The following GSTCD variants were observed in gnomAD, a reference collection of about 807,000 sequenced individuals.
GSTCD encodes glutathione S-transferase C-terminal domain containing, also known as glutathione S-transferase C-terminal domain-containing protein.
A neutral mutation model predicts 68.3 loss-of-function variants in GSTCD; 44 were observed. That is an observed-to-expected ratio of 0.64 (90% CI 0.51 to 0.83). GSTCD has a LOEUF of 0.83. Ranked by LOEUF, GSTCD falls within the 40% of genes least tolerant of loss-of-function variation. GSTCD has a pLI of 0.00. For synonymous variants in GSTCD, 273 were observed against 255.2 expected, an observed-to-expected ratio of 1.07 and a Z score of -0.67; for missense variants, 739 against 735.9, an observed-to-expected ratio of 1.00 and a Z score of -0.05.
intron 5 of GSTCD, among the ~76,000 whole-genome samples, chr4:105,736,682 G>T (rs1733474168): frequency 2.6e-5 from 4 of 152,062 alleles, no homozygotes; most frequent in Admixed American, 2.6e-4. Context: ...TAGAACCCAG[G>T]AACATATTTT....
intron 11 of GSTCD, among the ~76,000 whole-genome samples, chr4:105,842,898 GT>G (rs1029822006): frequency 2.6e-5 from 4 of 152,134 alleles, no homozygotes; most frequent in African/African-American, 7.2e-5. Context: ...TGGACATGAA[GT>G]TCTTGTCCAC....
rs532576252 is a variant in GSTCD, at chr4:105,738,746, G to T, written c.1240+9247G>T. Among the ~76,000 whole-genome samples, 5 of 152,210 alleles carry T rather than the reference G, an allele frequency of 3.3e-5. No homozygotes were observed. The East Asian group carries it at 9.6e-4, about 29-fold the overall frequency. ...AAGAGTTTCTTGATAGAGCTCTTTG[G>T]TAGGTTTTTCTATATGTAAGATTGT... On this transcript the variant is annotated intron_variant, in intron 5 of 11. Coordinates refer to ENST00000515279, the MANE Select transcript of GSTCD (RefSeq NM_001370181.1).
At chr4:105,841,855 A>G (rs551413523) in intron 10 of GSTCD, among the ~76,000 whole-genome samples, 14 of 152,256 alleles carry the variant, frequency 9.2e-5, no homozygotes, top group Admixed American at 3.3e-4. Context: ...TCAAAACAAA[A>G]CAAAAAAATA....
At chr4:105,718,181 C>T in intron 2 of GSTCD, 142 bp downstream of exon 2, 1 of 666,246 alleles carries the variant, frequency 1.5e-6, no homozygotes, top group Non-Finnish European at 2.4e-6. Context: ...ATAAAGTAGC[C>T]CTTTGATATA....
At chr4:105,759,613 A>C (rs566003060) in intron 5 of GSTCD, among the ~76,000 whole-genome samples, 2 of 152,330 alleles carry the variant, frequency 1.3e-5, no homozygotes, top group Non-Finnish European at 2.9e-5. Context: ...CAGAGATTTA[A>C]TGAATACTGA....
intron 5 of GSTCD, among the ~76,000 whole-genome samples, chr4:105,730,515 G>A: frequency 6.6e-6 from 1 of 152,150 alleles, no homozygotes; most frequent in Non-Finnish European, 1.5e-5. Flanking sequence ...ATTTTTTCAT[G>A]TGTCTTTGGC....
chr4:105,825,679 T>C lies in GSTCD; in HGVS notation c.1409T>C (p.Leu470Ser). ...AHMLPSCQVT[L>S]IENKELSLIR... is the part of the protein sequence containing the mutation. The stretch of plus-strand genomic sequence containing the variant: ...TTTCTGGGTAAAATCTAGGTTACAT[T>C]AATAGAAAACAAGGAATTATCATTA... Residue 470 changes from leucine to serine, a missense_variant, in exon 8 of 12, where the codon TTA becomes TCA. Coordinates refer to ENST00000515279, the MANE Select transcript of GSTCD (RefSeq NM_001370181.1). 3 of 1,487,526 alleles carry C rather than the reference T, an allele frequency of 2.0e-6. No homozygotes were observed. Among genetic ancestry groups the C allele is most frequent in the Non-Finnish European group, 2.8e-6 (3 of 1,068,538 alleles). 92.1% of individuals were successfully genotyped at this position (1,487,526 alleles called of 1,614,324 possible).
At chr4:105,747,778 A>G (rs1027439545) in intron 5 of GSTCD, among the ~76,000 whole-genome samples, 1 of 152,036 alleles carries the variant, frequency 6.6e-6, no homozygotes, top group Non-Finnish European at 1.5e-5. Context: ...TTTGTAAAAT[A>G]CTCATCTTGG....
intron 3 of GSTCD, among the ~76,000 whole-genome samples, chr4:105,725,616 T>G (rs1271264995): frequency 6.6e-6 from 1 of 152,164 alleles, no homozygotes; most frequent in Non-Finnish European, 1.5e-5. Flanking sequence ...AGTTGCCATC[T>G]GTGTATCTTT....
rs572282133 is a variant in GSTCD, at chr4:105,773,911, G to A, written c.1240+44412G>A. On this transcript the variant is annotated intron_variant, in intron 5 of 11. Coordinates refer to ENST00000515279, the MANE Select transcript of GSTCD (RefSeq NM_001370181.1). ...CTGAGTTCAAATTTTGAATATCCTT[G>A]TTAATTTTCTGTCTCATTGGTCTGG... 5.9e-5 allele frequency among the ~76,000 whole-genome samples: 9 copies of A among 152,258 alleles called. No individual in the cohort carries two copies. The East Asian group carries it at 1.5e-3, about 26-fold the overall frequency.
intron 5 of GSTCD, among the ~76,000 whole-genome samples, chr4:105,791,226 T>A (rs965259930): frequency 5.9e-5 from 9 of 151,882 alleles, no homozygotes; most frequent in East Asian, 1.9e-4. Flanking sequence ...ACCCCGTCTC[T>A]ACTAAAAATA....
chr4:105,735,960 T>A (rs1439357496), intron 5 of GSTCD, among the ~76,000 whole-genome samples: 1 of 152,188 alleles, frequency 6.6e-6, no homozygotes, highest in African/African-American at 2.4e-5. Context: ...ACTTTAATGA[T>A]CTTCTAATGC....
chr4:105,711,248 C>T (rs1210978211), intron 1 of GSTCD, among the ~76,000 whole-genome samples: 2 of 149,834 alleles, frequency 1.3e-5, no homozygotes, highest in South Asian at 4.1e-4. Flanking sequence ...AAATTTTAAT[C>T]TTTAAGAAAA....
chr4:105,802,330 T>C (rs1351775831), intron 5 of GSTCD, among the ~76,000 whole-genome samples: 1 of 152,102 alleles, frequency 6.6e-6, no homozygotes, highest in African/African-American at 2.4e-5. Flanking sequence ...TGTAGAGTGA[T>C]CTGAGGCCAG....
At chr4:105,826,208 T>C (rs1723598221) in intron 8 of GSTCD, 1 of 152,232 alleles carries the variant, frequency 6.6e-6, no homozygotes, top group African/African-American at 2.4e-5. Flanking sequence ...AGCATTGCCT[T>C]GTGATTTTTT....
intron 2 of GSTCD, among the ~76,000 whole-genome samples, chr4:105,718,427 C>T (rs1178305491): frequency 6.6e-6 from 1 of 152,184 alleles, no homozygotes; most frequent in Non-Finnish European, 1.5e-5. Context: ...CCCCATGTGA[C>T]ATGCCTGCAC....
In GSTCD at chr4:105,719,146, T is replaced by C. The variant is rs771388379; in HGVS notation, c.513T>C (p.Thr171=). 2 of 1,614,114 alleles carry C rather than the reference T, an allele frequency of 1.2e-6. No homozygotes were observed. The highest frequency in any genetic ancestry group is 2.2e-5 in the East Asian group (1 of 44,886). The part of the protein sequence containing the change: ...FLRESSDQPP[T]IPVEILQLEK... ...GAGAATCTTCTGACCAGCCCCCAAC[T>C]ATACCTGTAGAAATACTACAGCTAG... Residue 171 remains threonine (T), a synonymous_variant, in exon 3 of 12, where the codon ACT becomes ACC. Transcript: ENST00000515279.
At chr4:105,826,643 T>C (rs1560850022) in intron 8 of GSTCD, among the ~76,000 whole-genome samples, 1 of 152,146 alleles carries the variant, frequency 6.6e-6, no homozygotes, top group Non-Finnish European at 1.5e-5. Context: ...CCATACTACA[T>C]AGATCCTGCA....
At chr4:105,836,346 C>G (rs1421673541) in intron 9 of GSTCD, among the ~76,000 whole-genome samples, 2 of 152,152 alleles carry the variant, frequency 1.3e-5, no homozygotes. Flanking sequence ...ATGGGTGGGC[C>G]TGGAAAAAGC....
Sources: gnomAD v4.1 joint callset for allele counts (sites outside exome capture counted in the v4.1 genomes callset) on GRCh38, gnomAD v4.1.1 for gene constraint, MANE v1.5 for transcripts, NCBI Gene and HGNC (gene_info 2026-07-23, HGNC 2026-07-21) for gene names.